The following TMCC1 variants were observed in gnomAD, a reference collection of about 807,000 sequenced individuals.
TMCC1 encodes the protein transmembrane and coiled-coil domain family 1, also known as transmembrane and coiled-coil domains protein 1.
Under a neutral mutation model 52.4 loss-of-function variants are expected in TMCC1, and 15 were observed. That is an observed-to-expected ratio of 0.29 (90% CI 0.19 to 0.44). The LOEUF (loss-of-function observed/expected upper bound fraction) is 0.44. Ranked by LOEUF, TMCC1 falls within the 20% of genes least tolerant of loss-of-function variation. The probability of loss-of-function intolerance (pLI) is 1.00; values close to 1 mark genes in which losing one functional copy is unlikely to be tolerated. For synonymous variants in TMCC1, 279 were observed against 301.9 expected (o/e 0.92, Z 0.79); for missense variants, 503 against 806.0 (o/e 0.62, Z 4.55).
chr3:129,828,652 G>T lies in TMCC1; in HGVS notation c.-130-144C>A. 1 of 355,198 alleles carries T rather than the reference G, an allele frequency of 2.8e-6. No homozygotes were observed. The allele number at this position is 355,198 out of a possible 1,614,324, so 22.0% of individuals were successfully genotyped here. ...ATCATTAAGCAATCTTTAATCAGAA[G>T]ATTAAAAGACAGTTTTCTAGATAGT... On this transcript the variant is annotated intron_variant, in intron 3 of 6. Transcript: ENST00000393238. This position sits in a 1 kb window ranked among gnomAD's most constrained non-coding sequence, Gnocchi z 4.1.
At chr3:129,750,731 T>C (rs774119408) in intron 4 of TMCC1, among the ~76,000 whole-genome samples, 8 of 150,322 alleles carry the variant, frequency 5.3e-5, no homozygotes, top group Non-Finnish European at 1.0e-4. Context: ...CCTGCCACCA[T>C]GCCCGGCTAA....
intron 4 of TMCC1, among the ~76,000 whole-genome samples, chr3:129,696,528 C>A (rs533351556): frequency 1.3e-5 from 2 of 152,178 alleles, no homozygotes; most frequent in African/African-American, 2.4e-5. Context: ...CAGAATAAAT[C>A]TATTCAAATA....
intron 4 of TMCC1, among the ~76,000 whole-genome samples, chr3:129,700,122 T>G (rs1216280494): frequency 6.6e-6 from 1 of 152,176 alleles, no homozygotes; most frequent in African/African-American, 2.4e-5. Flanking sequence ...ATGCCTGTAA[T>G]CCTAGCACTT....
chr3:129,724,491 G>A (rs555370804), intron 4 of TMCC1, among the ~76,000 whole-genome samples: 11 of 152,288 alleles, frequency 7.2e-5, no homozygotes, highest in African/African-American at 2.4e-4. Flanking sequence ...AACCACCTCT[G>A]TGACTTTACT....
intron 4 of TMCC1, among the ~76,000 whole-genome samples, chr3:129,759,798 T>G (rs1014015347): frequency 7.7e-6 from 1 of 129,754 alleles, no homozygotes; most frequent in Non-Finnish European, 1.6e-5. Flanking sequence ...CTCGGCTCAC[T>G]GCAAGCTCCG....
intron 2 of TMCC1, among the ~76,000 whole-genome samples, chr3:129,843,810 A>G (rs1400208091): frequency 6.6e-6 from 1 of 151,850 alleles, no homozygotes; most frequent in Non-Finnish European, 1.5e-5. Context: ...ATAAGAAATA[A>G]TAACAATTCT....
chr3:129,654,611 T>C (rs1443699527), intron 6 of TMCC1, among the ~76,000 whole-genome samples: 2 of 152,160 alleles, frequency 1.3e-5, no homozygotes, highest in Non-Finnish European at 2.9e-5. Context: ...ATTTGGCAGC[T>C]GGAATAAAAG....
chr3:129,878,108 ACCACCATGCCTAGGTAATTT>A (rs1160978350), intron 2 of TMCC1, among the ~76,000 whole-genome samples: 2 of 151,292 alleles, frequency 1.3e-5, no homozygotes, highest in Non-Finnish European at 2.9e-5. Flanking sequence ...ACGGGCGCCT[ACCACCATGCCTAGGTAATTT>A]TTTACTTTTT....
At chr3:129,773,896 T>C (rs958881615) in intron 4 of TMCC1, among the ~76,000 whole-genome samples, 4 of 152,200 alleles carry the variant, frequency 2.6e-5, no homozygotes, top group African/African-American at 9.7e-5. Flanking sequence ...TGAGCCATGA[T>C]TGTGCTACTG....
At chr3:129,825,998 CTT>C (rs2058642324) in intron 4 of TMCC1, among the ~76,000 whole-genome samples, 1 of 152,170 alleles carries the variant, frequency 6.6e-6, no homozygotes, top group Non-Finnish European at 1.5e-5. Flanking sequence ...ACTTTGCCCT[CTT>C]TCTCTTGAAG....
At chr3:129,683,815 T>C (rs2089199709) in intron 4 of TMCC1, among the ~76,000 whole-genome samples, 1 of 152,204 alleles carries the variant, frequency 6.6e-6, no homozygotes, top group African/African-American at 2.4e-5. Context: ...GAAATTTATT[T>C]AAACAGACAG....
At chr3:129,675,631 G>A (rs887016602) in intron 4 of TMCC1, among the ~76,000 whole-genome samples, 1 of 152,124 alleles carries the variant, frequency 6.6e-6, no homozygotes, top group African/African-American at 2.4e-5. Flanking sequence ...CGTAAAGAGT[G>A]AACCAAAGGA....
intron 4 of TMCC1, among the ~76,000 whole-genome samples, chr3:129,773,883 C>G (rs1576789488): frequency 6.6e-6 from 1 of 152,058 alleles, no homozygotes; most frequent in African/African-American, 2.4e-5. Flanking sequence ...TTGGAGGTGG[C>G]AGTGAGCCAT....
At chr3:129,803,582 T>G (rs1375242097) in intron 4 of TMCC1, among the ~76,000 whole-genome samples, 1 of 152,250 alleles carries the variant, frequency 6.6e-6, no homozygotes. Flanking sequence ...GCACTTTTAA[T>G]TTTGTTTCCT....
At chr3:129,669,457 G>A (rs920824846) in intron 5 of TMCC1, among the ~76,000 whole-genome samples, 19 of 150,498 alleles carry the variant, frequency 1.3e-4, no homozygotes, top group African/African-American at 4.4e-4. Context: ...TTTTTGAGAC[G>A]GAGTTTCGCT....
At chr3:129,779,287 T>C (rs1207180904) in intron 4 of TMCC1, among the ~76,000 whole-genome samples, 2 of 152,192 alleles carry the variant, frequency 1.3e-5, no homozygotes, top group South Asian at 2.1e-4. Flanking sequence ...TATATTTTAA[T>C]ACTTAATTTT....
chr3:129,840,058 T>G (rs2059350125), intron 2 of TMCC1, among the ~76,000 whole-genome samples: 1 of 148,190 alleles, frequency 6.7e-6, no homozygotes, highest in African/African-American at 2.5e-5. Context: ...CCGGGTGTAA[T>G]GGCTCACACC....
At chr3:129,738,870 G>A (rs1208280364) in intron 4 of TMCC1, among the ~76,000 whole-genome samples, 1 of 152,170 alleles carries the variant, frequency 6.6e-6, no homozygotes, top group East Asian at 1.9e-4. Flanking sequence ...CCAGCCTGGA[G>A]TGCAATGGTG....
intron 2 of TMCC1, among the ~76,000 whole-genome samples, chr3:129,853,872 T>C (rs936859790): frequency 1.3e-5 from 2 of 152,098 alleles, no homozygotes; most frequent in South Asian, 2.1e-4. Flanking sequence ...AAATCAGAAA[T>C]GTAGGACTCC....
Sources: allele counts gnomAD v4.1 joint callset (sites outside exome capture counted in the v4.1 genomes callset), GRCh38; gene constraint gnomAD v4.1.1; non-coding constraint Gnocchi (gnomAD v3.1); transcripts MANE v1.5; gene names NCBI Gene and HGNC (gene_info 2026-07-23, HGNC 2026-07-21).